Variants in CLCN5 observed in about 807,000 individuals in gnomAD.
CLCN5 encodes the protein H(+)/Cl(-) exchange transporter 5.
Under a neutral mutation model 54.0 loss-of-function variants are expected in CLCN5, and 17 were observed. The ratio of observed to expected loss-of-function variants is 0.31; its 90% CI spans 0.22 to 0.47. The LOEUF is 0.47. Among genes scored for constraint, CLCN5 ranks in the 20% least tolerant of loss-of-function variants. CLCN5 has a pLI of 1.00. For missense variants in CLCN5, 448 were observed against 646.7 expected (o/e 0.69, Z 3.33); for synonymous variants, 222 against 233.0 (o/e 0.95, Z 0.43).
In CLCN5 at chrX:50,090,129, G is replaced by A. The variant is rs1557194522; in HGVS notation, c.1758G>A (p.Arg586=). The A allele has an allele frequency of 3.3e-6, 4 of 1,211,039 alleles. No individual in the cohort carries two copies. The African/African-American group carries it at 6.9e-5, about 21-fold the overall frequency. The change falls in exon 13 of 15, where the codon CGG becomes CGA. Residue 586 remains arginine (R), a synonymous_variant. Transcript: ENST00000376091. The part of the protein sequence containing the change: ...GAAACLGGVT[R]MTVSLVVIMF... ...ATTTCTTTGCAGGTGGGGTGACTCG[G>A]ATGACTGTTTCTCTTGTTGTCATAA... is the stretch of plus-strand genomic sequence containing the variant.
rs1346558432 is a variant in CLCN5 at position 50,097,106 on chromosome X, G to A, written c.*4887G>A. On this transcript the variant is annotated 3_prime_UTR_variant, in exon 15 of 15. Coordinates refer to ENST00000376091, the MANE Select transcript of CLCN5 (RefSeq NM_001127898.4). ...AGCTCAGTAGCTGTGTCAATTTGAA[G>A]TTCAATCAGTGTAGTTGTCCTGGGG... 8.9e-6 allele frequency: 1 copy of A among 112,401 alleles called. No homozygotes were observed. Among genetic ancestry groups the A allele is most frequent in the Non-Finnish European group, 1.9e-5 (1 of 53,313 alleles). The allele number at this position is 112,401 out of a possible 1,213,427, so 9.3% of individuals were successfully genotyped here. A position where few individuals can be genotyped will look rare whatever the true frequency, so the allele number is the denominator to read the frequency against.
intron 3 of CLCN5, among the ~76,000 whole-genome samples, chrX:49,983,607 T>C (rs1557177961): frequency 9.2e-6 from 1 of 108,349 alleles, no homozygotes; most frequent in African/African-American, 3.3e-5. Flanking sequence ...AGTGTATATG[T>C]ATACAGGGTA....
chrX:49,949,579 T>C (rs2147286574), intron 3 of CLCN5, among the ~76,000 whole-genome samples: 1 of 112,145 alleles, frequency 8.9e-6, no homozygotes, highest in Non-Finnish European at 1.9e-5. Context: ...ATCCCCAGAC[T>C]TTTTCAGTGC....
In CLCN5 at chrX:50,069,880, G is replaced by A. The variant is rs1342641218; in HGVS notation, c.165G>A (p.Glu55=). ...ATGTCTATTTCTTGTTCAATACAGA[G>A]GACAAGTCGTACAATGGTGGAGGAA... ...DVPPLDREVG[E]DKSYNGGGIG... is the part of the protein sequence containing the mutation. The change falls in exon 5 of 15, where the codon GAG becomes GAA. Residue 55 remains glutamate, a splice_region_variant and synonymous_variant. Coordinates refer to ENST00000376091, the MANE Select transcript of CLCN5 (RefSeq NM_001127898.4). 2.5e-6 allele frequency: 3 copies of A among 1,203,346 alleles called. No homozygotes were observed. The highest frequency in any genetic ancestry group is 3.5e-5 in the African/African-American group (2 of 57,043).
At chrX:50,075,440 ACT>A (rs1225900181) in intron 6 of CLCN5, among the ~76,000 whole-genome samples, 3 of 110,481 alleles carry the variant, frequency 2.7e-5, no homozygotes, top group African/African-American at 9.9e-5. Flanking sequence ...AATAAACTTG[ACT>A]CTTTATGGAT....
chrX:50,078,076 C>T (rs905981273), intron 7 of CLCN5, among the ~76,000 whole-genome samples: 24 of 105,396 alleles, frequency 2.3e-4, no homozygotes, highest in Admixed American at 5.1e-4. Flanking sequence ...AGGTGTGCCT[C>T]ATGCCTGTAA....
At chrX:50,008,568 A>G (rs1430318671) in intron 3 of CLCN5, 1 of 326,859 alleles carries the variant, frequency 3.1e-6, no homozygotes, top group African/African-American at 2.6e-5. Context: ...TCCATTCCAC[A>G]AGTATTTATT....
intron 3 of CLCN5, among the ~76,000 whole-genome samples, chrX:50,031,935 G>T (rs1931721918): frequency 2.2e-5 from 2 of 90,103 alleles, no homozygotes; most frequent in African/African-American, 8.7e-5. Context: ...TGTTCTCATT[G>T]TTCAATTCCC....
At chrX:49,939,877 A>C (rs1487747345) in intron 3 of CLCN5, among the ~76,000 whole-genome samples, 7 of 111,496 alleles carry the variant, frequency 6.3e-5, no homozygotes, top group African/African-American at 2.3e-4. Context: ...CAAAGTTAGC[A>C]TCTTATATAC....
At chrX:49,939,627 G>A (rs1557170373) in intron 3 of CLCN5, among the ~76,000 whole-genome samples, 3 of 110,267 alleles carry the variant, frequency 2.7e-5, no homozygotes, top group Admixed American at 1.9e-4. Context: ...ATCACACACC[G>A]GGGCCTGTCG....
intron 7 of CLCN5, 51 bp from the exon 8 acceptor site, chrX:50,080,543 C>CT (rs1557192911): frequency 9.1e-7 from 1 of 1,098,136 alleles, no homozygotes; most frequent in Admixed American, 2.4e-5. Context: ...AGCTGCATGT[C>CT]TCACTGAAGC....
At chrX:50,022,286 G>A (rs1314948774) in intron 3 of CLCN5, among the ~76,000 whole-genome samples, 1 of 30,939 alleles carries the variant, frequency 3.2e-5, no homozygotes. Flanking sequence ...AGTATTCTCT[G>A]ATGGTAGTTT....
At chrX:49,927,232 G>A (rs1354833766) in intron 3 of CLCN5, among the ~76,000 whole-genome samples, 3 of 112,116 alleles carry the variant, frequency 2.7e-5, no homozygotes, top group African/African-American at 9.7e-5. Context: ...GTCATTACTA[G>A]TTAATGATTT....
intron 3 of CLCN5, among the ~76,000 whole-genome samples, chrX:50,036,713 A>G (rs1932014575): frequency 8.9e-6 from 1 of 112,052 alleles, no homozygotes; most frequent in African/African-American, 3.2e-5. Flanking sequence ...CATGTATTTT[A>G]AATCACTTCC....
At chrX:50,046,110 A>G (rs782213092) in intron 4 of CLCN5, among the ~76,000 whole-genome samples, 2 of 112,427 alleles carry the variant, frequency 1.8e-5, no homozygotes, top group South Asian at 7.4e-4. Flanking sequence ...AGTAGTTTGT[A>G]AATTAGAAGA....
intron 3 of CLCN5, among the ~76,000 whole-genome samples, chrX:50,035,193 A>G (rs1931934215): frequency 9.0e-6 from 1 of 111,654 alleles, no homozygotes; most frequent in East Asian, 2.8e-4. Flanking sequence ...TAACAATTTA[A>G]CACCTAGCTG....
intron 3 of CLCN5, chrX:50,003,108 G>A: frequency 8.3e-6 from 3 of 363,196 alleles, no homozygotes; most frequent in Non-Finnish European, 1.7e-5. Context: ...CAAGGCATCT[G>A]GGATACGCAT....
In CLCN5 at chrX:50,097,553, G is replaced by GT. The variant is rs1934298650; in HGVS notation, c.*5337dup. 9.2e-6 allele frequency: 1 copy of GT among 109,053 alleles called. No homozygotes were observed. Among genetic ancestry groups the GT allele is most frequent in the Admixed American group, 9.8e-5 (1 of 10,203 alleles). 9.0% of individuals were successfully genotyped at this position (109,053 alleles called of 1,213,427 possible). A position where few individuals can be genotyped will look rare whatever the true frequency, so the allele number is the denominator to read the frequency against. The stretch of plus-strand genomic sequence containing the variant: ...CATGTGATAATATAAAAATATGAGA[G>GT]TTTAAAAAAAAAAAAGATCTCTGCC... On this transcript the variant is annotated 3_prime_UTR_variant, in exon 15 of 15. Coordinates refer to ENST00000376091, the MANE Select transcript of CLCN5 (RefSeq NM_001127898.4).
intron 3 of CLCN5, among the ~76,000 whole-genome samples, chrX:49,956,875 A>G (rs1303004115): frequency 9.0e-6 from 1 of 111,704 alleles, no homozygotes; most frequent in Admixed American, 9.5e-5. Context: ...CTTATTTGGG[A>G]TATACTCAGG....
Sources: gnomAD v4.1 joint callset for allele counts (sites outside exome capture counted in the v4.1 genomes callset) on GRCh38, gnomAD v4.1.1 for gene constraint, MANE v1.5 for transcripts, NCBI Gene and HGNC (gene_info 2026-07-23, HGNC 2026-07-21) for gene names.